The following MYT1L variants were observed in gnomAD, a reference collection of about 807,000 sequenced individuals.
MYT1L encodes the protein myelin transcription factor 1-like protein.
Under a neutral mutation model 126.7 loss-of-function variants are expected in MYT1L, and 12 were observed. The ratio of observed to expected loss-of-function variants is 0.09; its 90% CI spans 0.06 to 0.15. The LOEUF (loss-of-function observed/expected upper bound fraction) is 0.15, where lower values mean the gene tolerates loss of function less well. Among genes scored for constraint, MYT1L ranks in the 10% least tolerant of loss-of-function variants. MYT1L has a pLI of 1.00. For missense variants in MYT1L, 979 were observed against 1,585.2 expected (o/e 0.62, Z 6.49); for synonymous variants, 541 against 604.2 (o/e 0.90, Z 1.53).
chr2:1,904,559 C>CA (rs1278903271), intron 13 of MYT1L, among the ~76,000 whole-genome samples: 1 of 151,688 alleles, frequency 6.6e-6, no homozygotes, highest in Non-Finnish European at 1.5e-5. Context: ...TCAGTGGAGA[C>CA]AGGGTTTCAC....
intron 4 of MYT1L, among the ~76,000 whole-genome samples, chr2:2,047,957 T>C (rs1486409817): frequency 6.6e-6 from 1 of 152,052 alleles, no homozygotes; most frequent in Non-Finnish European, 1.5e-5. Context: ...AGAAGAAAAA[T>C]TGTCTCCAGG....
chr2:1,972,083 A>G (rs1254717132), intron 8 of MYT1L, among the ~76,000 whole-genome samples: 2 of 152,182 alleles, frequency 1.3e-5, no homozygotes, highest in Non-Finnish European at 2.9e-5. Flanking sequence ...TGTGTCTCAT[A>G]AAGAATGAAG....
chr2:2,000,035 T>G (rs2062212712), intron 4 of MYT1L, among the ~76,000 whole-genome samples: 1 of 152,254 alleles, frequency 6.6e-6, no homozygotes, highest in Non-Finnish European at 1.5e-5. Flanking sequence ...AATAATGATG[T>G]GATGGAGAAG....
chr2:2,257,033 G>T (rs2094831779), intron 2 of MYT1L, among the ~76,000 whole-genome samples: 1 of 152,168 alleles, frequency 6.6e-6, no homozygotes, highest in Admixed American at 6.5e-5. Flanking sequence ...CACCTGGAGA[G>T]CTTAGTGAAC....
In MYT1L at chr2:1,876,280, CCA is replaced by C. The variant is rs2046899024; in HGVS notation, c.2711+10257_2711+10258del. On this transcript the variant is annotated intron_variant, in intron 18 of 24. Coordinates refer to ENST00000647738, the MANE Select transcript of MYT1L (RefSeq NM_001303052.2). ...CAGACTCAGGGCGTGGGCCTGAGCC[CCA>C]GAGTCTGGGAGAGTGAGAAGGGGTG... Among the ~76,000 whole-genome samples, 5 of 152,248 alleles carry C rather than the reference CCA, an allele frequency of 3.3e-5. No homozygotes were observed. In the South Asian group the frequency reaches 1.0e-3, roughly 32 times the overall value.
chr2:2,273,077 C>T lies in MYT1L; in HGVS notation c.-421+11327G>A, dbSNP rs1012406108. Among the ~76,000 whole-genome samples, 7 of 152,132 alleles carry T rather than the reference C, an allele frequency of 4.6e-5. No homozygotes were observed. In the South Asian group the frequency reaches 6.2e-4, roughly 13 times the overall value. On this transcript the variant is annotated intron_variant, in intron 2 of 24. Coordinates refer to ENST00000647738, the MANE Select transcript of MYT1L (RefSeq NM_001303052.2). ...GGCCCCTTGCTGTCTCTCACGGAAT[C>T]CAAAGCCTGGCTTTGTGTCCACATG...
intron 2 of MYT1L, among the ~76,000 whole-genome samples, chr2:2,205,123 G>C (rs1007631066): frequency 2.0e-4 from 25 of 125,394 alleles, no homozygotes; most frequent in African/African-American, 6.6e-4. Flanking sequence ...GGGGTGGGGT[G>C]GGGGGAGGGG....
chr2:2,279,091 A>G (rs536513433), intron 2 of MYT1L, among the ~76,000 whole-genome samples: 1 of 152,264 alleles, frequency 6.6e-6, no homozygotes, highest in Non-Finnish European at 1.5e-5. Flanking sequence ...ACTACTTAAG[A>G]GGATTCTTAA....
At chr2:2,030,512 A>G (rs2066117752) in intron 4 of MYT1L, among the ~76,000 whole-genome samples, 1 of 152,206 alleles carries the variant, frequency 6.6e-6, no homozygotes, top group Non-Finnish European at 1.5e-5. Context: ...TTGAATGCCT[A>G]TTATTTGCCA....
rs79813787 is a variant in MYT1L, at chr2:2,158,833, A to G, written c.-304+14039T>C. On this transcript the variant is annotated intron_variant, in intron 3 of 24. Coordinates refer to ENST00000647738, the MANE Select transcript of MYT1L (RefSeq NM_001303052.2). The stretch of plus-strand genomic sequence containing the variant: ...TCTTTCACCGACAGGCAGACAGCGC[A>G]GGCAGACCCAGAGCCTCTGCTCCAG... Among the ~76,000 whole-genome samples, 3 of 152,144 alleles carry G rather than the reference A, an allele frequency of 2.0e-5. No individual in the cohort carries two copies. The East Asian group carries it at 5.8e-4, about 29-fold the overall frequency.
intron 9 of MYT1L, among the ~76,000 whole-genome samples, chr2:1,936,218 C>T (rs987809318): frequency 6.6e-6 from 1 of 152,236 alleles, no homozygotes; most frequent in East Asian, 1.9e-4. Flanking sequence ...CCACCACACC[C>T]GTCCTCTACC....
intron 3 of MYT1L, among the ~76,000 whole-genome samples, chr2:2,145,820 C>T (rs1490744278): frequency 6.6e-6 from 1 of 152,120 alleles, no homozygotes; most frequent in Admixed American, 6.6e-5. Flanking sequence ...ATTAATTTGG[C>T]TTAAAACTGA....
intron 18 of MYT1L, among the ~76,000 whole-genome samples, chr2:1,884,975 C>T (rs538890939): frequency 2.0e-5 from 3 of 152,314 alleles, no homozygotes; most frequent in Non-Finnish European, 2.9e-5. Context: ...CAACATAAGC[C>T]GCCAAGCCCA....
intron 2 of MYT1L, among the ~76,000 whole-genome samples, chr2:2,231,845 T>G (rs1284184895): frequency 6.6e-6 from 1 of 152,130 alleles, no homozygotes; most frequent in East Asian, 1.9e-4. Context: ...CCCAGATAAC[T>G]CCTCTAGTCT....
intron 3 of MYT1L, among the ~76,000 whole-genome samples, chr2:2,055,512 T>A (rs1051546386): frequency 2.6e-5 from 4 of 152,262 alleles, no homozygotes; most frequent in African/African-American, 9.6e-5. Flanking sequence ...GCACAGTTAT[T>A]TCCAACACAT....
At chr2:2,191,531 C>T (rs955756218) in intron 2 of MYT1L, among the ~76,000 whole-genome samples, 4 of 152,170 alleles carry the variant, frequency 2.6e-5, no homozygotes, top group African/African-American at 9.7e-5. Context: ...CTACAGGAAG[C>T]AGAATCCTTT....
At chr2:2,247,394 T>C (rs1572820088) in intron 2 of MYT1L, among the ~76,000 whole-genome samples, 1 of 152,198 alleles carries the variant, frequency 6.6e-6, no homozygotes, top group East Asian at 1.9e-4. Context: ...CAAATATTAT[T>C]AGAGCGAAAG....
chr2:2,069,855 C>G (rs1185565788), intron 3 of MYT1L, among the ~76,000 whole-genome samples: 2 of 145,946 alleles, frequency 1.4e-5, no homozygotes, highest in South Asian at 4.9e-4. Context: ...TGTTTGTTGG[C>G]TGCATAAATG....
chr2:1,873,227 A>T (rs1212132622), intron 18 of MYT1L, among the ~76,000 whole-genome samples: 1 of 152,242 alleles, frequency 6.6e-6, no homozygotes, highest in African/African-American at 2.4e-5. Context: ...TATATTTTAA[A>T]ATATATACAT....
Sources: gnomAD v4.1 joint callset for allele counts (sites outside exome capture counted in the v4.1 genomes callset) on GRCh38, gnomAD v4.1.1 for gene constraint, MANE v1.5 for transcripts, NCBI Gene and HGNC (gene_info 2026-07-23, HGNC 2026-07-21) for gene names.